SLC25A12: variants seen among roughly 807,000 people sequenced by gnomAD.
The protein encoded by SLC25A12 is solute carrier family 25 member 12, also known as electrogenic aspartate/glutamate antiporter SLC25A12, mitochondrial.
Under a neutral mutation model 83.3 loss-of-function variants are expected in SLC25A12, and 32 were observed. The ratio of observed to expected loss-of-function variants is 0.38; its 90% CI spans 0.29 to 0.52. The LOEUF (loss-of-function observed/expected upper bound fraction) is 0.52. Among genes scored for constraint, SLC25A12 ranks in the 20% least tolerant of loss-of-function variants. SLC25A12 has a pLI of 0.84. For synonymous variants in SLC25A12, 267 were observed against 291.1 expected, an observed-to-expected ratio of 0.92 and a Z score of 0.84; for missense variants, 611 against 835.6, an observed-to-expected ratio of 0.73 and a Z score of 3.31.
In SLC25A12 at chr2:171,834,660, C is replaced by T. The variant is rs1170412094; in HGVS notation, c.751+67G>A. 3.2e-6 allele frequency: 5 copies of T among 1,539,504 alleles called. No homozygotes were observed. In the African/African-American group the frequency reaches 6.8e-5, roughly 21 times the overall value. On this transcript the variant is annotated intron_variant, in intron 7 of 17. Transcript: ENST00000422440. ...CTTTAGAGTGGTAAGCTTAGATCAA[C>T]ATCATGCCTCAGTGAAGAAAAGTGA...
intron 2 of SLC25A12, among the ~76,000 whole-genome samples, chr2:171,874,703 A>C (rs1685528325): frequency 6.6e-6 from 1 of 152,224 alleles, no homozygotes; most frequent in Non-Finnish European, 1.5e-5. Flanking sequence ...GCAGCCATAA[A>C]AAAGACTGGA....
At chr2:171,882,718 TAG>T (rs1685722856) in intron 2 of SLC25A12, among the ~76,000 whole-genome samples, 1 of 152,148 alleles carries the variant, frequency 6.6e-6, no homozygotes, top group Admixed American at 6.5e-5. Flanking sequence ...ACGCTGGCCA[TAG>T]CAATGGTTTC....
chr2:171,791,329 A>G, intron 15 of SLC25A12, 122 bp downstream of exon 15: 1 of 862,940 alleles, frequency 1.2e-6, no homozygotes. Flanking sequence ...AAAAAGTGAT[A>G]TTTAAACTAA....
chr2:171,887,760 A>G (rs1251116721), intron 2 of SLC25A12, among the ~76,000 whole-genome samples: 2 of 152,246 alleles, frequency 1.3e-5, no homozygotes, highest in African/African-American at 2.4e-5. Flanking sequence ...ATCTTAGCTT[A>G]AACCAGTTGT....
chr2:171,827,782 T>C (rs1684337655), intron 8 of SLC25A12, among the ~76,000 whole-genome samples: 1 of 152,210 alleles, frequency 6.6e-6, no homozygotes, highest in African/African-American at 2.4e-5. Context: ...GACCCTCCAC[T>C]GGTAACATAT....
intron 14 of SLC25A12, among the ~76,000 whole-genome samples, chr2:171,793,288 C>T (rs1683526849): frequency 6.6e-6 from 1 of 152,088 alleles, no homozygotes; most frequent in Non-Finnish European, 1.5e-5. Flanking sequence ...CGAAAATAAA[C>T]ATAAGACTAT....
rs761249375 is a variant in SLC25A12 at position 171,816,062 on chromosome 2, C to CTT, written c.931-862_931-861dup. Among the ~76,000 whole-genome samples the CTT allele has an allele frequency of 1.9e-3, 248 of 127,464 alleles. 2 individuals carry two copies. Among genetic ancestry groups the CTT allele is most frequent in the African/African-American group, 4.9e-3 (168 of 34,450 alleles). The allele number at this position is 127,464 out of a possible 152,430, so 83.6% of individuals were successfully genotyped here. A position where few individuals can be genotyped will look rare whatever the true frequency, so the allele number is the denominator to read the frequency against. ...CTTATTAATTAATGCAAAAATATTCCTTTTTTTTTTTTTTTTTTTTGGAGA... is the reference window on the plus strand; with the variant it reads ...CTTATTAATTAATGCAAAAATATTCCTTTTTTTTTTTTTTTTTTTTTTGGAGA... On this transcript the variant is annotated intron_variant, in intron 9 of 17. Transcript: ENST00000422440.
intron 3 of SLC25A12, among the ~76,000 whole-genome samples, chr2:171,863,253 C>A (rs117236189): frequency 6.6e-6 from 1 of 152,066 alleles, no homozygotes; most frequent in Non-Finnish European, 1.5e-5. Flanking sequence ...GGGCCAGGTG[C>A]GGTGGCTTAT....
chr2:171,879,219 T>C (rs1438230048), intron 2 of SLC25A12, among the ~76,000 whole-genome samples: 2 of 152,220 alleles, frequency 1.3e-5, no homozygotes, highest in Non-Finnish European at 2.9e-5. Flanking sequence ...GGAAAAGCAG[T>C]TGTATAAATC....
chr2:171,839,337 G>C (rs1316273340), intron 5 of SLC25A12, among the ~76,000 whole-genome samples: 1 of 152,144 alleles, frequency 6.6e-6, no homozygotes, highest in Non-Finnish European at 1.5e-5. Flanking sequence ...TCCTAATGAA[G>C]AAAAACAATA....
At chr2:171,844,617 T>C (rs756373173) in intron 4 of SLC25A12, 109 bp from the exon 5 acceptor site, 30 of 755,432 alleles carry the variant, frequency 4.0e-5, no homozygotes, top group Non-Finnish European at 6.3e-5. Flanking sequence ...GTCAATATCA[T>C]CTGCTTCTAT....
intron 3 of SLC25A12, among the ~76,000 whole-genome samples, chr2:171,867,403 G>A (rs1198220042): frequency 6.6e-6 from 1 of 152,196 alleles, no homozygotes; most frequent in Non-Finnish European, 1.5e-5. Flanking sequence ...GGCCAAGGCT[G>A]GCGGATCACT....
rs761996149 is a variant in SLC25A12, at chr2:171,855,851, T to C, written c.308A>G (p.Asn103Ser). 2 of 1,607,126 alleles carry C rather than the reference T, an allele frequency of 1.2e-6. No homozygotes were observed. Among genetic ancestry groups the C allele is most frequent in the Admixed American group, 1.7e-5 (1 of 59,992 alleles). Residue 103 changes from asparagine to serine, a missense_variant, in exon 4 of 18, where the codon AAT (asparagine) becomes AGT (serine). Asn to Ser is a conservative substitution (Grantham distance 46). Coordinates refer to ENST00000422440, the MANE Select transcript of SLC25A12 (RefSeq NM_003705.5). ...VAFQLFDKSG[N>S]GEVTFENVKE... ...TCCCTTACCAAATGTCACCTCTCCA[T>C]TTCCACTCTTGTCAAACAACTGGAA...
chr2:171,785,552 T>C (rs1312039994), intron 17 of SLC25A12, 77 bp from the exon 18 acceptor site: 2 of 1,264,508 alleles, frequency 1.6e-6, no homozygotes, highest in East Asian at 4.6e-5. Context: ...ATTTTCGGTC[T>C]GACCCATGTG....
chr2:171,824,292 A>T (rs1684254604), intron 9 of SLC25A12, among the ~76,000 whole-genome samples: 1 of 152,216 alleles, frequency 6.6e-6, no homozygotes. Flanking sequence ...CACTTTCCTA[A>T]GGATGAAGAA....
chr2:171,828,730 A>G (rs559188712), intron 8 of SLC25A12, among the ~76,000 whole-genome samples: 3 of 152,324 alleles, frequency 2.0e-5, no homozygotes, highest in East Asian at 1.9e-4. Flanking sequence ...TCCAACCTCT[A>G]GTTCCTATTA....
At chr2:171,894,152 G>A in intron 1 of SLC25A12, 51 bp downstream of exon 1, 1 of 1,591,396 alleles carries the variant, frequency 6.3e-7, no homozygotes. Context: ...CAGGCAGGGC[G>A]CTCGGAATGT....
chr2:171,879,846 G>A (rs187484487), intron 2 of SLC25A12, among the ~76,000 whole-genome samples: 1 of 152,282 alleles, frequency 6.6e-6, no homozygotes, highest in African/African-American at 2.4e-5. Context: ...ATAGCAGGGT[G>A]CAGAAAGTAT....
At chr2:171,806,078 A>G (rs963001504) in intron 13 of SLC25A12, among the ~76,000 whole-genome samples, 3 of 152,188 alleles carry the variant, frequency 2.0e-5, no homozygotes, top group African/African-American at 7.2e-5. Context: ...GCACCACGCC[A>G]CTCCAGCCTG....
Sources: allele counts gnomAD v4.1 joint callset (sites outside exome capture counted in the v4.1 genomes callset), GRCh38; gene constraint gnomAD v4.1.1; transcripts MANE v1.5; gene names NCBI Gene and HGNC (gene_info 2026-07-23, HGNC 2026-07-21).